The following MAGI1 variants were observed in gnomAD, a reference collection of about 807,000 sequenced individuals.
MAGI1 encodes membrane associated guanylate kinase, WW and PDZ domain containing 1.
MAGI1 carries 58 observed loss-of-function variants against 139.9 expected under a neutral mutation model. The observed-to-expected ratio is 0.41, with a 90% CI of 0.34 to 0.52. The LOEUF (loss-of-function observed/expected upper bound fraction) is 0.52, where lower values mean the gene tolerates loss of function less well. MAGI1 is among the 20% of genes least tolerant of loss of function. The pLI, the probability that MAGI1 is intolerant of heterozygous loss-of-function variation, is 0.12. For missense variants in MAGI1, 1,874 were observed against 1,901.6 expected, an observed-to-expected ratio of 0.99 and a Z score of 0.27; for synonymous variants, 812 against 737.9, an observed-to-expected ratio of 1.10 and a Z score of -1.63.
intron 1 of MAGI1, among the ~76,000 whole-genome samples, chr3:65,647,587 A>C (rs1470721687): frequency 6.6e-6 from 1 of 152,222 alleles, no homozygotes; most frequent in Non-Finnish European, 1.5e-5. Context: ...CAGGGATGCA[A>C]GGTTGGTTCA....
intron 10 of MAGI1, among the ~76,000 whole-genome samples, chr3:65,436,514 A>G (rs942750424): frequency 6.6e-6 from 1 of 152,204 alleles, no homozygotes; most frequent in Admixed American, 6.5e-5. Flanking sequence ...CGTTGTAAAC[A>G]TGCATAAATA....
intron 1 of MAGI1, among the ~76,000 whole-genome samples, chr3:65,991,685 G>C (rs2066181577): frequency 6.6e-6 from 1 of 152,058 alleles, no homozygotes; most frequent in East Asian, 1.9e-4. Flanking sequence ...TTCTTGCTTA[G>C]ACTCTTCCCT....
chr3:65,528,538 C>T (rs887330960), intron 2 of MAGI1, among the ~76,000 whole-genome samples: 1 of 152,144 alleles, frequency 6.6e-6, no homozygotes, highest in Non-Finnish European at 1.5e-5. Flanking sequence ...GTCACAGAAC[C>T]ATCTGCATCT....
chr3:65,510,206 AAAC>A (rs1176073732), intron 2 of MAGI1, among the ~76,000 whole-genome samples: 1 of 152,232 alleles, frequency 6.6e-6, no homozygotes, highest in Non-Finnish European at 1.5e-5. Context: ...GATGGGGAAA[AAAC>A]AGAACAGAAA....
chr3:65,510,058 C>T (rs369675964), intron 2 of MAGI1, among the ~76,000 whole-genome samples: 1 of 152,092 alleles, frequency 6.6e-6, no homozygotes, highest in East Asian at 1.9e-4. Context: ...ACACCTCACA[C>T]TGCAGGGTAT....
intron 1 of MAGI1, among the ~76,000 whole-genome samples, chr3:65,700,536 A>G (rs574055976): frequency 6.6e-6 from 1 of 152,314 alleles, no homozygotes; most frequent in South Asian, 2.1e-4. Flanking sequence ...AATAGTAATC[A>G]TACATGAATT....
At chr3:65,432,602 A>C (rs1053464893) in intron 10 of MAGI1, among the ~76,000 whole-genome samples, 3 of 152,226 alleles carry the variant, frequency 2.0e-5, no homozygotes, top group Non-Finnish European at 2.9e-5. Flanking sequence ...CAGCCCTGTC[A>C]TAGTGGCTAA....
chr3:65,920,136 A>G (rs1165520415), intron 1 of MAGI1, among the ~76,000 whole-genome samples: 1 of 152,174 alleles, frequency 6.6e-6, no homozygotes, highest in African/African-American at 2.4e-5. Context: ...TACCCACAAC[A>G]GTCCTGTTCA....
rs1255101018 is a variant in MAGI1, at chr3:65,356,896, T to G, written c.3871A>C (p.Ser1291Arg). The G allele has an allele frequency of 6.2e-7, 1 of 1,614,180 alleles. No homozygotes were observed. Among genetic ancestry groups the G allele is most frequent in the Non-Finnish European group, 8.5e-7 (1 of 1,180,000 alleles). ...TWNGTSRKPD[S>R]GACRPKDRAP... Reference sequence around the variant, plus strand: ...CGGTCCTTGGGTCGGCATGCCCCGCTGTCGGGTTTCCTCGAAGTCCCATTC... The same window carrying G: ...CGGTCCTTGGGTCGGCATGCCCCGCGGTCGGGTTTCCTCGAAGTCCCATTC... The change falls in exon 23 of 23, where the codon AGC becomes CGC. Residue 1291 changes from serine (S) to arginine (R), a missense_variant. Transcript: ENST00000402939.
chr3:65,808,443 C>G (rs2017783), intron 1 of MAGI1, among the ~76,000 whole-genome samples: 41,452 of 151,862 alleles, frequency 0.27, 5,900 homozygotes, highest in East Asian at 0.41. Context: ...AGGTTACAGT[C>G]ACCCAAATCG....
At chr3:65,747,985 A>G (rs1373876898) in intron 1 of MAGI1, among the ~76,000 whole-genome samples, 1 of 152,216 alleles carries the variant, frequency 6.6e-6, no homozygotes, top group Non-Finnish European at 1.5e-5. Context: ...AATTAGGACC[A>G]GAATGTGGCT....
intron 1 of MAGI1, among the ~76,000 whole-genome samples, chr3:66,016,979 G>T (rs999033250): frequency 2.0e-5 from 3 of 152,138 alleles, no homozygotes; most frequent in Admixed American, 6.5e-5. Context: ...GGTCACCAGG[G>T]GCCAGGGGAA....
At chr3:65,880,677 A>C (rs1216996642) in intron 1 of MAGI1, among the ~76,000 whole-genome samples, 1 of 152,160 alleles carries the variant, frequency 6.6e-6, no homozygotes, top group African/African-American at 2.4e-5. Flanking sequence ...ACTAGATTCC[A>C]CCGGGAGAAC....
Position 65,356,947 on chromosome 3 carries a change from T to C in MAGI1, c.3820A>G (p.Arg1274Gly), listed in dbSNP as rs866308851. ...CAGGTGTGGTGTTCATTGGGTTGTC[T>C]GCTATACTCTCTGCTGCCTTTCGGA... ...RDPKGSREYS[R>G]QPNEHHTWNG... The change falls in exon 23 of 23, where the codon AGA becomes GGA. Residue 1274 changes from arginine (R) to glycine (G), a missense_variant. Coordinates refer to ENST00000402939, the MANE Select transcript of MAGI1 (RefSeq NM_001033057.2). 5 of 1,614,064 alleles carry C rather than the reference T, an allele frequency of 3.1e-6. No individual in the cohort carries two copies. In the Middle Eastern group the frequency reaches 4.9e-4, roughly 159 times the overall value.
chr3:65,884,225 T>G (rs2060444915), intron 1 of MAGI1, among the ~76,000 whole-genome samples: 1 of 152,134 alleles, frequency 6.6e-6, no homozygotes, highest in Admixed American at 6.5e-5. Context: ...ACCAACTCTC[T>G]CCACCCTGCC....
chr3:65,831,302 G>A (rs556504998), intron 1 of MAGI1, among the ~76,000 whole-genome samples: 1 of 152,288 alleles, frequency 6.6e-6, no homozygotes, highest in Non-Finnish European at 1.5e-5. Context: ...AAGATGAACA[G>A]GGCCACCTGG....
intron 1 of MAGI1, among the ~76,000 whole-genome samples, chr3:65,849,823 T>C (rs1374618673): frequency 6.6e-5 from 10 of 152,166 alleles, no homozygotes; most frequent in African/African-American, 2.4e-4. Flanking sequence ...TTCTCCTTCC[T>C]TTTTCCAGGT....
chr3:65,496,925 G>C (rs922245971), intron 2 of MAGI1, among the ~76,000 whole-genome samples: 2 of 152,280 alleles, frequency 1.3e-5, no homozygotes, highest in East Asian at 1.9e-4. Flanking sequence ...ATGTAAGAAA[G>C]ACAGAATAAA....
rs367695439 is a variant in MAGI1, at chr3:66,038,008, C to T, written c.301G>A (p.Ala101Thr). Residue 101 changes from alanine (A) to threonine (T), a missense_variant, in exon 1 of 23, where the codon GCC becomes ACC. By Grantham distance (58) the Ala-to-Thr change is moderately conservative. Transcript: ENST00000402939. ...DSCKEAVTFK[A>T]VRQGGRLNKD... ...CGCCCTGCCTTACCTTGTCTGACGG[C>T]CTTGAAGGTGACGGCCTCCTTGCAG... The T allele has an allele frequency of 2.8e-5, 45 of 1,588,592 alleles. No individual in the cohort carries two copies. The highest frequency in any genetic ancestry group is 3.8e-5 in the Non-Finnish European group (44 of 1,166,518).
Sources: allele counts gnomAD v4.1 joint callset (sites outside exome capture counted in the v4.1 genomes callset), GRCh38; gene constraint gnomAD v4.1.1; transcripts MANE v1.5; gene names NCBI Gene and HGNC (gene_info 2026-07-23, HGNC 2026-07-21).